The following RIT2 variants were observed in gnomAD, a reference collection of about 807,000 sequenced individuals.
RIT2 encodes the protein Ras like without CAAX 2, also known as GTP-binding protein Rit2.
Under a neutral mutation model 23.7 loss-of-function variants are expected in RIT2, and 24 were observed. The observed-to-expected ratio is 1.01, with a 90% CI of 0.73 to 1.43. The LOEUF is 1.43. Ranked by LOEUF, RIT2 falls within the 40% of genes most tolerant of loss-of-function variation. RIT2 has a pLI of 0.00. For missense variants in RIT2, 236 were observed against 266.9 expected (o/e 0.88, Z 0.81); for synonymous variants, 107 against 91.1 (o/e 1.17, Z -0.99).
chr18:43,110,044 C>A (rs941892271), intron 1 of RIT2, among the ~76,000 whole-genome samples: 10 of 152,106 alleles, frequency 6.6e-5, no homozygotes, highest in African/African-American at 1.7e-4. Flanking sequence ...TGCTTAGATA[C>A]CTCTCCTACT....
chr18:42,964,779 T>C (rs982995393), intron 3 of RIT2, among the ~76,000 whole-genome samples: 1 of 152,238 alleles, frequency 6.6e-6, no homozygotes, highest in East Asian at 1.9e-4. Context: ...TGTCTCATCA[T>C]TTTTCCTGAC....
chr18:42,935,951 G>A (rs538229289), intron 3 of RIT2, among the ~76,000 whole-genome samples: 8 of 151,772 alleles, frequency 5.3e-5, no homozygotes, highest in Non-Finnish European at 7.4e-5. Flanking sequence ...ATGAAGGAAT[G>A]GCCTGCATTT....
At chr18:42,931,469 C>A (rs541670319) in intron 3 of RIT2, among the ~76,000 whole-genome samples, 1 of 152,126 alleles carries the variant, frequency 6.6e-6, no homozygotes, top group Non-Finnish European at 1.5e-5. Context: ...ATTTGTCTTA[C>A]ACTAAGAAGG....
intron 4 of RIT2, among the ~76,000 whole-genome samples, chr18:42,807,391 C>T (rs769805493): frequency 5.3e-5 from 8 of 152,184 alleles, no homozygotes; most frequent in East Asian, 1.9e-4. Context: ...CCAAGGCAGG[C>T]GGATCACCTG....
chr18:43,104,037 C>T (rs951920706), intron 1 of RIT2, among the ~76,000 whole-genome samples: 8 of 152,076 alleles, frequency 5.3e-5, no homozygotes, highest in East Asian at 1.9e-4. Context: ...TACAACGGAA[C>T]GCCCATCAAC....
chr18:42,963,226 T>C (rs1294460734), intron 3 of RIT2, among the ~76,000 whole-genome samples: 2 of 152,212 alleles, frequency 1.3e-5, no homozygotes, highest in Non-Finnish European at 2.9e-5. Context: ...ATATGTTTAA[T>C]AGAAAATAGT....
At chr18:43,034,674 C>G (rs895020331) in intron 1 of RIT2, among the ~76,000 whole-genome samples, 6 of 152,068 alleles carry the variant, frequency 3.9e-5, no homozygotes, top group African/African-American at 1.4e-4. Flanking sequence ...AGATCCTAAG[C>G]CTTCTTCTCT....
chr18:43,114,893 C>A (rs1343691168), intron 1 of RIT2, among the ~76,000 whole-genome samples: 1 of 152,136 alleles, frequency 6.6e-6, no homozygotes, highest in Non-Finnish European at 1.5e-5. Context: ...CTTTCAAAAA[C>A]CAACTTTCTT....
At chr18:42,788,712 T>A (rs1274526196) in intron 4 of RIT2, among the ~76,000 whole-genome samples, 3 of 152,198 alleles carry the variant, frequency 2.0e-5, no homozygotes, top group Admixed American at 1.3e-4. Context: ...GATGATACTG[T>A]CATTTATTCT....
chr18:43,040,846 A>G (rs888410089), intron 1 of RIT2, among the ~76,000 whole-genome samples: 3 of 152,174 alleles, frequency 2.0e-5, no homozygotes, highest in Non-Finnish European at 4.4e-5. Flanking sequence ...TTTCTGAAAA[A>G]AATAACTTTG....
At chr18:42,782,876 G>A (rs1358321030) in intron 4 of RIT2, among the ~76,000 whole-genome samples, 1 of 152,018 alleles carries the variant, frequency 6.6e-6, no homozygotes, top group Non-Finnish European at 1.5e-5. Flanking sequence ...AAGTGCCAGA[G>A]ACAGGCAAAG....
chr18:43,021,176 A>C (rs1218314402), intron 2 of RIT2, among the ~76,000 whole-genome samples: 1 of 152,116 alleles, frequency 6.6e-6, no homozygotes, highest in Non-Finnish European at 1.5e-5. Context: ...AAAAAAGTAA[A>C]TTAATTAATT....
chr18:42,781,985 T>C (rs530216917), intron 4 of RIT2, among the ~76,000 whole-genome samples: 1 of 152,288 alleles, frequency 6.6e-6, no homozygotes, highest in African/African-American at 2.4e-5. Context: ...CAACAGCAAA[T>C]AAATATTTAT....
intron 2 of RIT2, among the ~76,000 whole-genome samples, chr18:42,984,075 A>G (rs1032295743): frequency 6.6e-5 from 10 of 152,142 alleles, no homozygotes; most frequent in African/African-American, 2.4e-4. Flanking sequence ...AGACATGTTC[A>G]CACATGAACA....
chr18:43,082,645 A>G (rs1913184018), intron 1 of RIT2, among the ~76,000 whole-genome samples: 1 of 152,192 alleles, frequency 6.6e-6, no homozygotes. Flanking sequence ...TTATTTCAAT[A>G]GATGCAGAAA....
intron 4 of RIT2, among the ~76,000 whole-genome samples, chr18:42,923,204 C>T (rs1306238953): frequency 6.6e-6 from 1 of 152,124 alleles, no homozygotes; most frequent in African/African-American, 2.4e-5. Flanking sequence ...ACTATCTTCT[C>T]ATGGTTAGCT....
intron 3 of RIT2, among the ~76,000 whole-genome samples, chr18:42,967,498 T>A (rs1172992551): frequency 2.0e-5 from 3 of 150,430 alleles, no homozygotes; most frequent in Admixed American, 6.7e-5. Context: ...GCCTCCTGAG[T>A]AGCTGGTATT....
chr18:43,105,952 A>C (rs1350464785), intron 1 of RIT2, among the ~76,000 whole-genome samples: 2 of 152,216 alleles, frequency 1.3e-5, no homozygotes, highest in African/African-American at 4.8e-5. Context: ...TATGGTAACG[A>C]GCACAGTGGA....
At chr18:43,011,884 A>AAACAT (rs1228138784) in intron 2 of RIT2, among the ~76,000 whole-genome samples, 1 of 151,866 alleles carries the variant, frequency 6.6e-6, no homozygotes, top group Non-Finnish European at 1.5e-5. Flanking sequence ...TATTCCTCTT[A>AAACAT]AACATATTTT....
Sources: gnomAD v4.1 joint callset for allele counts (sites outside exome capture counted in the v4.1 genomes callset) on GRCh38, gnomAD v4.1.1 for gene constraint, MANE v1.5 for transcripts, NCBI Gene and HGNC (gene_info 2026-07-23, HGNC 2026-07-21) for gene names.